Variants in CAMLG observed in about 807,000 individuals in gnomAD.
CAMLG encodes the protein guided entry of tail-anchored proteins factor CAMLG.
A neutral mutation model predicts 28.9 loss-of-function variants in CAMLG; 23 were observed. That is an observed-to-expected ratio of 0.80 (90% CI 0.57 to 1.13). The LOEUF (loss-of-function observed/expected upper bound fraction) is 1.13, where lower values mean the gene tolerates loss of function less well. Ranked by LOEUF, CAMLG falls within the 50% of genes most tolerant of loss-of-function variation. The probability of loss-of-function intolerance (pLI) is 0.00; values close to 1 mark genes in which losing one functional copy is unlikely to be tolerated. For missense variants in CAMLG, 367 were observed against 371.9 expected, an observed-to-expected ratio of 0.99 and a Z score of 0.11; for synonymous variants, 141 against 146.5, an observed-to-expected ratio of 0.96 and a Z score of 0.27.
Position 134,750,909 on chromosome 5 carries a change from TG to T in CAMLG, c.851del (p.Cys284PhefsTer37), listed in dbSNP as rs778313543. On this transcript the variant is annotated frameshift_variant, in exon 4 of 4. Coordinates refer to ENST00000297156, the MANE Select transcript of CAMLG (RefSeq NM_001745.4). LOFTEE classifies it high-confidence loss of function. The part of the protein sequence containing the change: ...LCVYFFTFIF[C>X]HELLDYWGSE... ...TGTCTACTTTTTCACTTTTATCTTT[TG>T]TCATGAACTGCTTGATTATTGGGGC... is the stretch of plus-strand genomic sequence containing the variant. 3.1e-6 allele frequency: 5 copies of T among 1,613,820 alleles called. No homozygotes were observed.
intron 3 of CAMLG, among the ~76,000 whole-genome samples, chr5:134,749,766 T>C (rs1753091762): frequency 6.6e-6 from 1 of 152,230 alleles, no homozygotes; most frequent in South Asian, 2.1e-4. Context: ...TCATGTGGGC[T>C]GGAGTGCGGT....
intron 3 of CAMLG, among the ~76,000 whole-genome samples, chr5:134,748,893 C>CA (rs1366861517): frequency 6.6e-6 from 1 of 151,008 alleles, no homozygotes; most frequent in Non-Finnish European, 1.5e-5. Flanking sequence ...TAGTTAATTC[C>CA]TTTTTTTTTC....
chr5:134,747,048 T>G (rs1753057335), intron 3 of CAMLG, among the ~76,000 whole-genome samples: 1 of 152,060 alleles, frequency 6.6e-6, no homozygotes, highest in Non-Finnish European at 1.5e-5. Context: ...ACAGCGCCAC[T>G]GCACTCCAGC....
At chr5:134,742,549 A>C (rs1752998006) in intron 2 of CAMLG, among the ~76,000 whole-genome samples, 1 of 152,162 alleles carries the variant, frequency 6.6e-6, no homozygotes, top group Non-Finnish European at 1.5e-5. Flanking sequence ...CTAATATATC[A>C]TAATGAGTCC....
At position 134,738,744 on chromosome 5, in the gene CAMLG, C is replaced by G. The variant is rs1752949151; in HGVS notation, c.124C>G (p.Gln42Glu). 6.2e-7 allele frequency: 1 copy of G among 1,614,142 alleles called. No individual in the cohort carries two copies. Among genetic ancestry groups the G allele is most frequent in the Non-Finnish European group, 8.5e-7 (1 of 1,180,000 alleles). ...RRRKLLMNSE[Q>E]RINRIMGFHR... ...GAGAAAGCTGCTCATGAACTCGGAA[C>G]AGCGCATCAACCGGATCATGGGCTT... The change falls in exon 1 of 4, where the codon CAG (glutamine) becomes GAG (glutamate). Residue 42 changes from glutamine to glutamate, a missense_variant. Gln to Glu is a conservative substitution (Grantham distance 29, BLOSUM62 2). Transcript: ENST00000297156.
rs1234372079 is a variant in CAMLG, at chr5:134,750,899, T to G, written c.840T>G (p.Thr280=). The G allele has an allele frequency of 6.2e-7, 1 of 1,613,932 alleles. No homozygotes were observed. The highest frequency in any genetic ancestry group is 8.5e-7 in the Non-Finnish European group (1 of 1,179,992). ...CAGATCTCTGTGTCTACTTTTTCACTTTTATCTTTTGTCATGAACTGCTTG... is the reference window on the plus strand; with the variant it reads ...CAGATCTCTGTGTCTACTTTTTCACGTTTATCTTTTGTCATGAACTGCTTG... The part of the protein sequence containing the change: ...VFTDLCVYFF[T]FIFCHELLDY... Residue 280 remains threonine (T), a synonymous_variant, in exon 4 of 4, where the codon ACT becomes ACG. Transcript: ENST00000297156.
At chr5:134,739,563 A>T (rs1248023510) in intron 1 of CAMLG, among the ~76,000 whole-genome samples, 1 of 152,178 alleles carries the variant, frequency 6.6e-6, no homozygotes, top group Admixed American at 6.5e-5. Context: ...AATTTATTTC[A>T]CGTGAGTATA....
chr5:134,745,476 G>A (rs936696139), intron 3 of CAMLG, among the ~76,000 whole-genome samples: 5 of 151,756 alleles, frequency 3.3e-5, no homozygotes, highest in African/African-American at 1.2e-4. Context: ...TTTGAGGCTG[G>A]GCGCCGTGGC....
intron 3 of CAMLG, among the ~76,000 whole-genome samples, chr5:134,746,135 C>G (rs1246310400): frequency 1.4e-4 from 13 of 90,306 alleles, no homozygotes; most frequent in African/African-American, 4.8e-4. Context: ...AAAACTCCAT[C>G]TCAAAAAAAA....
intron 2 of CAMLG, among the ~76,000 whole-genome samples, chr5:134,743,348 T>C (rs1415397255): frequency 6.6e-6 from 1 of 152,156 alleles, no homozygotes; most frequent in Non-Finnish European, 1.5e-5. Context: ...TAAAAGAATA[T>C]GAAAGAATTG....
intron 3 of CAMLG, among the ~76,000 whole-genome samples, chr5:134,748,399 A>C (rs903769314): frequency 2.0e-5 from 3 of 152,086 alleles, no homozygotes; most frequent in African/African-American, 7.2e-5. Context: ...TTTGCCGGGC[A>C]TGATGGTGGG....
At chr5:134,743,545 G>C (rs1370945807) in intron 2 of CAMLG, among the ~76,000 whole-genome samples, 1 of 151,906 alleles carries the variant, frequency 6.6e-6, no homozygotes, top group Non-Finnish European at 1.5e-5. Flanking sequence ...ACTCCAGCCT[G>C]GGTGACAGAG....
intron 2 of CAMLG, among the ~76,000 whole-genome samples, chr5:134,743,756 C>T (rs1172662259): frequency 6.6e-6 from 1 of 151,226 alleles, no homozygotes; most frequent in Admixed American, 6.6e-5. Flanking sequence ...ATCCCATCTA[C>T]TCAGAAGGCT....
At chr5:134,741,873 G>A (rs917210221) in intron 2 of CAMLG, among the ~76,000 whole-genome samples, 2 of 152,174 alleles carry the variant, frequency 1.3e-5, no homozygotes, top group African/African-American at 2.4e-5. Flanking sequence ...TTGAACCCGG[G>A]AGGTGGAGGT....
At chr5:134,738,823 G>T (rs1752950384) in intron 1 of CAMLG, 31 bp downstream of exon 1, 1 of 1,608,944 alleles carries the variant, frequency 6.2e-7, no homozygotes, top group African/African-American at 1.3e-5. Flanking sequence ...TCAGTCTCCC[G>T]CCCATCACCT....
Position 134,750,978 on chromosome 5 carries a change from T to TAAA in CAMLG, c.*29_*30insAAA, listed in dbSNP as rs779516864. ...CCTGTAGAACTGAGAAGGAGAAGCT[T>TAAA]ACAAAAAAAAAAAAATCCTCTTCTA... On this transcript the variant is annotated 3_prime_UTR_variant, in exon 4 of 4. Coordinates refer to ENST00000297156, the MANE Select transcript of CAMLG (RefSeq NM_001745.4). 6.7e-7 allele frequency: 1 copy of TAAA among 1,494,842 alleles called. No homozygotes were observed. The highest frequency in any genetic ancestry group is 9.0e-7 in the Non-Finnish European group (1 of 1,108,872). The allele number at this position is 1,494,842 out of a possible 1,614,324, so 92.6% of individuals were successfully genotyped here.
intron 1 of CAMLG, among the ~76,000 whole-genome samples, chr5:134,740,625 C>T (rs1027028082): frequency 4.6e-5 from 7 of 152,064 alleles, no homozygotes; most frequent in Admixed American, 1.3e-4. Context: ...GATGGAGTCT[C>T]ACTCTGTCGC....
At chr5:134,740,985 C>T (rs1752975234) in intron 1 of CAMLG, 78 bp from the exon 2 acceptor site, 1 of 910,670 alleles carries the variant, frequency 1.1e-6, no homozygotes, top group East Asian at 2.5e-5. Context: ...GCTGCAACAG[C>T]ATATTTTAAA....
At chr5:134,746,292 AG>A (rs1753048616) in intron 3 of CAMLG, among the ~76,000 whole-genome samples, 1 of 152,152 alleles carries the variant, frequency 6.6e-6, no homozygotes, top group Non-Finnish European at 1.5e-5. Flanking sequence ...CTTTTTGAAA[AG>A]AAAAAATAAT....
Sources: allele counts gnomAD v4.1 joint callset (sites outside exome capture counted in the v4.1 genomes callset), GRCh38; gene constraint gnomAD v4.1.1; transcripts MANE v1.5; gene names NCBI Gene and HGNC (gene_info 2026-07-23, HGNC 2026-07-21).